PCDHGA8: variants seen among roughly 807,000 people sequenced by gnomAD.
PCDHGA8 encodes protocadherin gamma-A8.
A neutral mutation model predicts 59.2 loss-of-function variants in PCDHGA8; 45 were observed. The observed-to-expected ratio is 0.76, with a 90% confidence interval of 0.60 to 0.98. The LOEUF (loss-of-function observed/expected upper bound fraction) is 0.98, where lower values mean the gene tolerates loss of function less well. Among genes scored for constraint, PCDHGA8 ranks in the 50% least tolerant of loss-of-function variants. The pLI is 0.00. For missense variants in PCDHGA8, 1,257 were observed against 1,196.2 expected, an observed-to-expected ratio of 1.05 and a Z score of -0.75; for synonymous variants, 531 against 519.0, an observed-to-expected ratio of 1.02 and a Z score of -0.32.
intron 1 of PCDHGA8, chr5:141,405,379 G>T: frequency 1.2e-6 from 2 of 1,606,832 alleles, no homozygotes; most frequent in Non-Finnish European, 1.7e-6. Flanking sequence ...TGGTTCCGGT[G>T]AGTTCATTTT....
chr5:141,486,346 C>G lies in PCDHGA8; in HGVS notation c.2425-8461C>G. 1 of 1,614,120 alleles carries G rather than the reference C, an allele frequency of 6.2e-7. No individual in the cohort carries two copies. Among genetic ancestry groups the G allele is most frequent in the East Asian group, 2.2e-5 (1 of 44,874 alleles). ...GAGATGTGAGCCTCCGCATTCCTGA[C>G]CACTTGCCATTTGCCCTCAAGTCTG... On this transcript the variant is annotated intron_variant, in intron 1 of 3. Coordinates refer to ENST00000398604, the MANE Select transcript of PCDHGA8 (RefSeq NM_032088.2). This position sits in a 1 kb window ranked among gnomAD's most constrained non-coding sequence, Gnocchi z 5.0.
At chr5:141,415,688 T>C (rs373105795) in intron 1 of PCDHGA8, 1 of 1,546,006 alleles carries the variant, frequency 6.5e-7, no homozygotes, top group Admixed American at 2.0e-5. Context: ...GGCATGATGG[T>C]GGAAAGTGTA....
At chr5:141,419,432 C>T (rs2096381830) in intron 1 of PCDHGA8, 1 of 1,613,278 alleles carries the variant, frequency 6.2e-7, no homozygotes, top group East Asian at 2.2e-5. Flanking sequence ...CCACGAGCAG[C>T]TGCGCACCTT....
intron 1 of PCDHGA8, chr5:141,422,542 G>T (rs368252552): frequency 1.2e-5 from 19 of 1,613,878 alleles, no homozygotes; most frequent in Admixed American, 1.7e-5. Context: ...AGAAACTCAT[G>T]TCTGGCTGAA....
chr5:141,404,517 A>C (rs1268035794), intron 1 of PCDHGA8: 1 of 1,613,938 alleles, frequency 6.2e-7, no homozygotes, highest in South Asian at 1.1e-5. Flanking sequence ...TCCTTTGACT[A>C]TGAGCAGTTT....
At chr5:141,423,120 G>A in intron 1 of PCDHGA8, 1 of 1,613,800 alleles carries the variant, frequency 6.2e-7, no homozygotes. Flanking sequence ...GTACAGCGCG[G>A]GCACTGCTGG....
intron 1 of PCDHGA8, chr5:141,400,677 ATTGTGAGTT>A (rs1177028391): frequency 1.1e-6 from 1 of 900,130 alleles, no homozygotes; most frequent in African/African-American, 1.7e-5. Flanking sequence ...GGAGCAGTAA[ATTGTGAGTT>A]TTTATGTCGC....
chr5:141,477,287 G>T lies in PCDHGA8; in HGVS notation c.2425-17520G>T. ...CGAGAACGGGCTGGTGACCTGCGAA[G>T]TTCCACCGGGTCTCCCTTTCAGCCT... On this transcript the variant is annotated intron_variant, in intron 1 of 3. Coordinates refer to ENST00000398604, the MANE Select transcript of PCDHGA8 (RefSeq NM_032088.2). The surrounding 1 kb of genome is among the most constrained non-coding windows in gnomAD (Gnocchi z 4.9). The T allele has an allele frequency of 6.2e-7, 1 of 1,614,190 alleles. No homozygotes were observed.
At chr5:141,478,045 T>C in intron 1 of PCDHGA8, 3 of 1,614,144 alleles carry the variant, frequency 1.9e-6, no homozygotes, top group East Asian at 2.2e-5. Flanking sequence ...CCAGGCAGAC[T>C]CTCACGGTCT....
intron 1 of PCDHGA8, chr5:141,417,908 C>G (rs1255727429): frequency 6.3e-7 from 1 of 1,597,500 alleles, no homozygotes; most frequent in Non-Finnish European, 8.5e-7. Context: ...GCGGCAGGTA[C>G]TATTTCCTTT....
Position 141,487,256 on chromosome 5 carries a change from G to T in PCDHGA8, c.2425-7551G>T. On this transcript the variant is annotated intron_variant, in intron 1 of 3. Coordinates refer to ENST00000398604, the MANE Select transcript of PCDHGA8 (RefSeq NM_032088.2). This position sits in a 1 kb window ranked among gnomAD's most constrained non-coding sequence, Gnocchi z 5.0. Reference sequence around the variant, plus strand: ...ATCTCGTCTAACCCTCTACTTGGCTGTGTCCCTAGTGGCAATTTGCTTTGT... The same window carrying T: ...ATCTCGTCTAACCCTCTACTTGGCTTTGTCCCTAGTGGCAATTTGCTTTGT... The T allele has an allele frequency of 2.5e-6, 4 of 1,614,166 alleles. No homozygotes were observed. Among genetic ancestry groups the T allele is most frequent in the Non-Finnish European group, 2.5e-6 (3 of 1,180,032 alleles).
At position 141,431,368 on chromosome 5, in the gene PCDHGA8, A is replaced by G; in HGVS notation, c.2424+36131A>G. On this transcript the variant is annotated intron_variant, in intron 1 of 3. Coordinates refer to ENST00000398604, the MANE Select transcript of PCDHGA8 (RefSeq NM_032088.2). The surrounding 1 kb of genome is among the most constrained non-coding windows in gnomAD (Gnocchi z 4.8). ...TGCTGAAACGCGCCCTGGACCGCGA[A>G]GAAAAGGCTGCTCACCACCTGGTCC... 1.9e-6 allele frequency: 3 copies of G among 1,614,002 alleles called. No individual in the cohort carries two copies. The highest frequency in any genetic ancestry group is 2.5e-6 in the Non-Finnish European group (3 of 1,180,034).
chr5:141,464,377 T>A (rs1410334231), intron 1 of PCDHGA8, among the ~76,000 whole-genome samples: 3 of 151,486 alleles, frequency 2.0e-5, no homozygotes, highest in Admixed American at 2.0e-4. Flanking sequence ...TTTTGCAATA[T>A]AAAAAATGCT....
chr5:141,478,337 T>C (rs766980546), intron 1 of PCDHGA8: 1 of 1,613,942 alleles, frequency 6.2e-7, no homozygotes, highest in Non-Finnish European at 8.5e-7. Context: ...ACCAGGGCCC[T>C]CCTTGCACGC....
chr5:141,479,703 C>T (rs1219257838), intron 1 of PCDHGA8: 1 of 152,182 alleles, frequency 6.6e-6, no homozygotes, highest in African/African-American at 2.4e-5. Context: ...AGTGTTAGTC[C>T]CTGTCCTTCC....
chr5:141,421,358 C>T (rs2096566137), intron 1 of PCDHGA8: 1 of 1,613,870 alleles, frequency 6.2e-7, no homozygotes, highest in Non-Finnish European at 8.5e-7. Context: ...GAAAAGGGCT[C>T]CTTCGTGGGC....
chr5:141,491,817 G>T lies in PCDHGA8; in HGVS notation c.2425-2990G>T. On this transcript the variant is annotated intron_variant, in intron 1 of 3. Transcript: ENST00000398604. The surrounding 1 kb of genome is among the most constrained non-coding windows in gnomAD (Gnocchi z 6.9). ...TCTCCGGCCGGCTTGGTCGCTGGCT[G>T]CGCTCCACCCGATTCTCGGGATCAT... 1.3e-6 allele frequency: 2 copies of T among 1,484,188 alleles called. No homozygotes were observed. The highest frequency in any genetic ancestry group is 1.8e-6 in the Non-Finnish European group (2 of 1,117,664). 91.9% of individuals were successfully genotyped at this position (1,484,188 alleles called of 1,614,324 possible).
chr5:141,430,904 T>C (rs2097322701), intron 1 of PCDHGA8: 5 of 1,606,730 alleles, frequency 3.1e-6, no homozygotes, highest in Middle Eastern at 1.7e-4. Context: ...GGGCGACATC[T>C]CCAGGGACCT....
Position 141,476,383 on chromosome 5 carries a change from C to G in PCDHGA8, c.2425-18424C>G, listed in dbSNP as rs547854431. ...GGGAGACCGGAGAGATGTTTGTGAACGACCGTCTGGATCGAGAGGAGCTGT... is the reference window on the plus strand; with the variant it reads ...GGGAGACCGGAGAGATGTTTGTGAAGGACCGTCTGGATCGAGAGGAGCTGT... On this transcript the variant is annotated intron_variant, in intron 1 of 3. Transcript: ENST00000398604. The surrounding 1 kb of genome is among the most constrained non-coding windows in gnomAD (Gnocchi z 7.6). 1.2e-6 allele frequency: 2 copies of G among 1,614,102 alleles called. No homozygotes were observed. Among genetic ancestry groups the G allele is most frequent in the Middle Eastern group, 3.3e-4 (2 of 6,062 alleles).
Sources: allele counts gnomAD v4.1 joint callset (sites outside exome capture counted in the v4.1 genomes callset), GRCh38; gene constraint gnomAD v4.1.1; non-coding constraint Gnocchi (gnomAD v3.1); transcripts MANE v1.5; gene names NCBI Gene and HGNC (gene_info 2026-07-23, HGNC 2026-07-21).